Variants in EXOC4 observed in about 807,000 individuals in gnomAD.
EXOC4 encodes the protein SEC8-like 1.
A neutral mutation model predicts 107.2 loss-of-function variants in EXOC4; 71 were observed. The ratio of observed to expected loss-of-function variants is 0.66; its 90% CI spans 0.55 to 0.81. The LOEUF is 0.81. EXOC4 is among the 30% of genes least tolerant of loss of function. The pLI is 0.00. For synonymous variants in EXOC4, 456 were observed against 441.2 expected (o/e 1.03, Z -0.42); for missense variants, 1,108 against 1,189.6 (o/e 0.93, Z 1.01).
In EXOC4 at chr7:133,654,156, C is replaced by G. The variant is rs182107683; in HGVS notation, c.1514+24015C>G. Among the ~76,000 whole-genome samples, 284 of 152,220 alleles carry G rather than the reference C, an allele frequency of 1.9e-3. 1 individual carries two copies. The highest frequency in any genetic ancestry group is 6.8e-3 in the Middle Eastern group (2 of 294). ...ATGCATGTGTGAATAAGGGCTTATC[C>G]AAATCAATCCTGCATGAAAGAATAT... On this transcript the variant is annotated intron_variant, in intron 10 of 17. Coordinates refer to ENST00000253861, the MANE Select transcript of EXOC4 (RefSeq NM_021807.4).
At chr7:134,028,709 C>T (rs1795201615) in intron 17 of EXOC4, among the ~76,000 whole-genome samples, 1 of 152,214 alleles carries the variant, frequency 6.6e-6, no homozygotes, top group Non-Finnish European at 1.5e-5. Context: ...CCTTTGTGTG[C>T]ACAGGTTCTT....
chr7:133,549,388 A>G (rs1045249107), intron 9 of EXOC4, among the ~76,000 whole-genome samples: 2 of 152,084 alleles, frequency 1.3e-5, no homozygotes, highest in Non-Finnish European at 2.9e-5. Flanking sequence ...CAAAATTGTT[A>G]TGTCTCTGTG....
chr7:133,363,187 G>A (rs1325687917), intron 6 of EXOC4, among the ~76,000 whole-genome samples: 2 of 152,162 alleles, frequency 1.3e-5, no homozygotes, highest in Non-Finnish European at 2.9e-5. Flanking sequence ...TGAAGGGGAT[G>A]AATAGGATGA....
intron 13 of EXOC4, among the ~76,000 whole-genome samples, chr7:133,923,898 T>C (rs1043175724): frequency 2.6e-5 from 4 of 152,236 alleles, no homozygotes; most frequent in African/African-American, 9.6e-5. Context: ...GCATCTGATA[T>C]AAATGATAAG....
At chr7:133,441,875 T>TA (rs1273235089) in intron 7 of EXOC4, among the ~76,000 whole-genome samples, 1 of 152,188 alleles carries the variant, frequency 6.6e-6, no homozygotes, top group Non-Finnish European at 1.5e-5. Flanking sequence ...CACGCACACA[T>TA]ACCTATGTAA....
At chr7:133,284,374 A>G (rs1176261627) in intron 2 of EXOC4, among the ~76,000 whole-genome samples, 1 of 152,188 alleles carries the variant, frequency 6.6e-6, no homozygotes, top group Admixed American at 6.5e-5. Context: ...TGAGAACTAT[A>G]GTAGCAAGGT....
intron 10 of EXOC4, among the ~76,000 whole-genome samples, chr7:133,715,277 A>G (rs754222230): frequency 6.6e-6 from 1 of 152,202 alleles, no homozygotes; most frequent in Non-Finnish European, 1.5e-5. Context: ...CCTCCTGAGT[A>G]GCTGGGACTA....
At chr7:133,464,432 A>T (rs1261848246) in intron 7 of EXOC4, among the ~76,000 whole-genome samples, 1 of 152,230 alleles carries the variant, frequency 6.6e-6, no homozygotes, top group African/African-American at 2.4e-5. Flanking sequence ...AGGCAGGCAC[A>T]TGAATTTCTA....
At chr7:133,687,743 A>G (rs1794337054) in intron 10 of EXOC4, among the ~76,000 whole-genome samples, 1 of 152,140 alleles carries the variant, frequency 6.6e-6, no homozygotes, top group Non-Finnish European at 1.5e-5. Context: ...TGTTTCTGTA[A>G]CATTAATACA....
intron 2 of EXOC4, among the ~76,000 whole-genome samples, chr7:133,279,589 A>T (rs1376703264): frequency 1.3e-5 from 2 of 152,174 alleles, no homozygotes; most frequent in Non-Finnish European, 2.9e-5. Flanking sequence ...CACTATCATG[A>T]ATCGCCATAG....
intron 7 of EXOC4, among the ~76,000 whole-genome samples, chr7:133,418,919 T>G (rs564920258): frequency 1.3e-5 from 2 of 152,254 alleles, no homozygotes; most frequent in Admixed American, 1.3e-4. Context: ...AAAAAGTCAA[T>G]GGAGATTTAT....
chr7:133,726,976 C>G (rs1312975235), intron 10 of EXOC4, among the ~76,000 whole-genome samples: 1 of 152,166 alleles, frequency 6.6e-6, no homozygotes, highest in African/African-American at 2.4e-5. Context: ...CCTGAAGGCT[C>G]CATTTCTTCA....
At chr7:133,337,428 G>GT (rs1450575783) in intron 5 of EXOC4, among the ~76,000 whole-genome samples, 3 of 151,840 alleles carry the variant, frequency 2.0e-5, no homozygotes, top group Non-Finnish European at 2.9e-5. Flanking sequence ...TTTTTTCTGT[G>GT]TTTTTTCCTA....
intron 14 of EXOC4, among the ~76,000 whole-genome samples, chr7:133,991,566 T>C (rs1196440369): frequency 1.3e-5 from 2 of 152,202 alleles, no homozygotes; most frequent in Admixed American, 1.3e-4. Context: ...TTTTTTCTAG[T>C]AATTTCATAG....
chr7:133,400,429 C>A (rs1797064093), intron 7 of EXOC4, among the ~76,000 whole-genome samples: 1 of 152,184 alleles, frequency 6.6e-6, no homozygotes, highest in Non-Finnish European at 1.5e-5. Context: ...GGGGGACAAC[C>A]ATGTAATAAG....
intron 10 of EXOC4, among the ~76,000 whole-genome samples, chr7:133,654,379 A>T (rs1034938939): frequency 6.6e-6 from 1 of 152,150 alleles, no homozygotes; most frequent in Non-Finnish European, 1.5e-5. Context: ...GAATGATATT[A>T]TTAAGTTTTA....
chr7:133,316,579 A>G (rs6963600), intron 4 of EXOC4, among the ~76,000 whole-genome samples: 53,460 of 152,052 alleles, frequency 0.35, 12,065 homozygotes, highest in African/African-American at 0.65. Flanking sequence ...TATAGTTTTC[A>G]TGATTTAAAA....
rs577987755 is a variant in EXOC4, at chr7:133,547,582, G to A, written c.1417+67444G>A. On this transcript the variant is annotated intron_variant, in intron 9 of 17. Coordinates refer to ENST00000253861, the MANE Select transcript of EXOC4 (RefSeq NM_021807.4). ...AACATTGGAGTCAATCCCCTCAAAC[G>A]CTGTCACTGCTTTATCAATTAAGTT... Among the ~76,000 whole-genome samples the A allele has an allele frequency of 6.6e-5, 10 of 152,216 alleles. No homozygotes were observed. In the South Asian group the frequency reaches 1.2e-3, roughly 19 times the overall value.
At chr7:133,918,628 T>C (rs1799865968) in intron 13 of EXOC4, among the ~76,000 whole-genome samples, 2 of 152,244 alleles carry the variant, frequency 1.3e-5, no homozygotes, top group African/African-American at 4.8e-5. Context: ...AACATTTGCC[T>C]TTGTTCAATT....
Sources: gnomAD v4.1 joint callset for allele counts (sites outside exome capture counted in the v4.1 genomes callset) on GRCh38, gnomAD v4.1.1 for gene constraint, MANE v1.5 for transcripts, NCBI Gene and HGNC (gene_info 2026-07-23, HGNC 2026-07-21) for gene names.